SOX5: variants seen among roughly 807,000 people sequenced by gnomAD.
The protein encoded by SOX5 is transcription factor SOX-5.
In SOX5, 9 loss-of-function variants were observed where a neutral mutation model predicts 92.0. That is an observed-to-expected ratio of 0.10 (90% CI 0.06 to 0.17). SOX5 has a LOEUF of 0.17. Among genes scored for constraint, SOX5 ranks in the 10% least tolerant of loss-of-function variants. The pLI, the probability that SOX5 is intolerant of heterozygous loss-of-function variation, is 1.00. For missense variants in SOX5, 642 were observed against 944.5 expected (o/e 0.68, Z 4.20); for synonymous variants, 344 against 336.3 (o/e 1.02, Z -0.25).
intron 2 of SOX5, among the ~76,000 whole-genome samples, chr12:24,293,172 C>A (rs1946810834): frequency 6.6e-6 from 1 of 152,200 alleles, no homozygotes; most frequent in Admixed American, 6.5e-5. Context: ...GGCCACATCA[C>A]CTCAACACTA....
intron 4 of SOX5, among the ~76,000 whole-genome samples, chr12:23,960,696 T>A (rs1946829579): frequency 1.3e-5 from 2 of 151,262 alleles, no homozygotes; most frequent in South Asian, 4.2e-4. Flanking sequence ...ATATATAAAT[T>A]GATATATATT....
In SOX5 at chr12:23,740,587, T is replaced by G. The variant is rs77832564; in HGVS notation, c.741+280A>C. Among the ~76,000 whole-genome samples, 6 of 152,306 alleles carry G rather than the reference T, an allele frequency of 3.9e-5. No homozygotes were observed. In the South Asian group the frequency reaches 8.3e-4, roughly 21 times the overall value. On this transcript the variant is annotated intron_variant, in intron 5 of 14. Transcript: ENST00000451604. ...TTGAAAATGTTCTCTTGACTCTCCA[T>G]GGTTCTTTTTTGGTATTTTTCTCAT...
intron 9 of SOX5, among the ~76,000 whole-genome samples, chr12:23,603,219 A>T (rs1031020978): frequency 6.6e-6 from 1 of 151,928 alleles, no homozygotes; most frequent in African/African-American, 2.4e-5. Context: ...GGAGTATACA[A>T]TAACTCTGAA....
chr12:23,789,282 C>T (rs1289815400), intron 3 of SOX5, among the ~76,000 whole-genome samples: 2 of 151,614 alleles, frequency 1.3e-5, no homozygotes, highest in Admixed American at 6.6e-5. Context: ...GGCCATCTTG[C>T]CGTGTGCTTA....
chr12:24,320,540 A>T (rs898860173), intron 2 of SOX5, among the ~76,000 whole-genome samples: 1 of 152,082 alleles, frequency 6.6e-6, no homozygotes, highest in Non-Finnish European at 1.5e-5. Flanking sequence ...CTTTAATACA[A>T]ATCTGAGCAC....
chr12:23,909,571 G>C (rs551405221), intron 1 of SOX5, among the ~76,000 whole-genome samples: 1 of 152,250 alleles, frequency 6.6e-6, no homozygotes, highest in Non-Finnish European at 1.5e-5. Context: ...CTTCAATACA[G>C]TATTTACCAT....
chr12:23,620,734 G>T (rs960070756), intron 8 of SOX5, among the ~76,000 whole-genome samples: 2 of 151,942 alleles, frequency 1.3e-5, no homozygotes, highest in Non-Finnish European at 2.9e-5. Flanking sequence ...TACTTTCATT[G>T]ACTTTTTTGA....
chr12:24,226,904 A>G (rs1962165898), intron 3 of SOX5, among the ~76,000 whole-genome samples: 1 of 152,174 alleles, frequency 6.6e-6, no homozygotes. Context: ...TGGATCCAAC[A>G]GCAGTCTGAC....
At chr12:24,406,456 C>T (rs774441050) in intron 1 of SOX5, among the ~76,000 whole-genome samples, 1 of 152,138 alleles carries the variant, frequency 6.6e-6, no homozygotes, top group Non-Finnish European at 1.5e-5. Flanking sequence ...GAGAAAAATC[C>T]CTGAGCTACT....
chr12:23,610,576 TTAATA>T (rs556414549), intron 8 of SOX5, among the ~76,000 whole-genome samples: 8 of 152,294 alleles, frequency 5.3e-5, no homozygotes, highest in African/African-American at 9.6e-5. Flanking sequence ...TTGTACATAT[TTAATA>T]TATTTCATAA....
At chr12:24,136,600 A>C (rs1003459402) in intron 4 of SOX5, among the ~76,000 whole-genome samples, 3 of 152,148 alleles carry the variant, frequency 2.0e-5, no homozygotes, top group Admixed American at 2.0e-4. Context: ...CTATTGTTTA[A>C]GGGGGCTTCA....
rs372718501 is a variant in SOX5 at position 23,846,307 on chromosome 12, A to G, written c.271-114T>C. On this transcript the variant is annotated intron_variant, in intron 2 of 14. Transcript: ENST00000451604. ...AAGGACAAATAATTGTTTAAAATTC[A>G]GTAACTTTAAAAAATTGGTTATATG... The G allele has an allele frequency of 4.0e-5, 34 of 842,892 alleles. No homozygotes were observed. In the South Asian group the frequency reaches 5.5e-4, roughly 14 times the overall value. The allele number at this position is 842,892 out of a possible 1,614,324, so 52.2% of individuals were successfully genotyped here.
intron 4 of SOX5, among the ~76,000 whole-genome samples, chr12:24,153,994 A>C (rs761019704): frequency 3.3e-5 from 5 of 152,114 alleles, no homozygotes; most frequent in African/African-American, 4.8e-5. Context: ...GAGAAGGAAC[A>C]TTCCATCTTT....
intron 4 of SOX5, among the ~76,000 whole-genome samples, chr12:24,186,679 C>T (rs1956047047): frequency 6.6e-6 from 1 of 151,796 alleles, no homozygotes; most frequent in South Asian, 2.1e-4. Context: ...AGTATATGCC[C>T]TTAAACAAAA....
In SOX5 at chr12:24,433,454, T is replaced by G. The variant is rs1043827935; in HGVS notation, c.-250-64815A>C. On this transcript the variant is annotated intron_variant, in intron 1 of 4. Transcript: ENST00000446891. ...AGCACTCACTTGATTAAAGATGAACTAAGTTTGTCTTGATTTGGGCACTAC... is the reference window on the plus strand; with the variant it reads ...AGCACTCACTTGATTAAAGATGAACGAAGTTTGTCTTGATTTGGGCACTAC... Among the ~76,000 whole-genome samples, 4 of 152,196 alleles carry G rather than the reference T, an allele frequency of 2.6e-5. No homozygotes were observed. The East Asian group carries it at 5.8e-4, about 22-fold the overall frequency.
At chr12:24,470,320 T>C (rs188265568) in intron 1 of SOX5, among the ~76,000 whole-genome samples, 173 of 152,224 alleles carry the variant, frequency 1.1e-3, no homozygotes, top group Non-Finnish European at 1.6e-3. Context: ...TGGCTAAAGA[T>C]AGATCATTAC....
intron 4 of SOX5, among the ~76,000 whole-genome samples, chr12:24,023,754 TTTTA>T (rs751374226): frequency 1.7e-4 from 26 of 152,226 alleles, no homozygotes; most frequent in Non-Finnish European, 3.5e-4. Context: ...TATTTGTCTA[TTTTA>T]TTTATCTTTT....
intron 4 of SOX5, among the ~76,000 whole-genome samples, chr12:24,134,530 C>G (rs1949942071): frequency 6.6e-6 from 1 of 152,056 alleles, no homozygotes; most frequent in South Asian, 2.1e-4. Flanking sequence ...TTATTTATAA[C>G]ACATGCACAC....
chr12:23,949,124 C>T (rs1366833380), intron 1 of SOX5, among the ~76,000 whole-genome samples: 1 of 152,096 alleles, frequency 6.6e-6, no homozygotes, highest in Non-Finnish European at 1.5e-5. Flanking sequence ...GAACTTATAG[C>T]CTCCGTTTAA....
Sources: gnomAD v4.1 joint callset for allele counts (sites outside exome capture counted in the v4.1 genomes callset) on GRCh38, gnomAD v4.1.1 for gene constraint, MANE v1.5 for transcripts, NCBI Gene and HGNC (gene_info 2026-07-23, HGNC 2026-07-21) for gene names.